The following CENPI variants were observed in gnomAD, a reference collection of about 807,000 sequenced individuals.
The protein encoded by CENPI is FSH primary response 1.
In CENPI, 4 loss-of-function variants were observed where a neutral mutation model predicts 60.4. The observed-to-expected ratio is 0.07, with a 90% CI of 0.03 to 0.15. The LOEUF (loss-of-function observed/expected upper bound fraction) is 0.15. Ranked by LOEUF, CENPI falls within the 10% of genes least tolerant of loss-of-function variation. CENPI has a pLI of 1.00. For missense variants in CENPI, 444 were observed against 534.5 expected (o/e 0.83, Z 1.67); for synonymous variants, 157 against 189.4 (o/e 0.83, Z 1.40).
intron 20 of CENPI, among the ~76,000 whole-genome samples, chrX:101,155,754 A>G (rs2148253259): frequency 8.9e-6 from 1 of 111,885 alleles, no homozygotes; most frequent in Admixed American, 9.6e-5. Flanking sequence ...AAAGGCAACC[A>G]AAAACTCTTT....
intron 20 of CENPI, among the ~76,000 whole-genome samples, chrX:101,151,058 G>T (rs1216285203): frequency 9.0e-6 from 1 of 111,477 alleles, no homozygotes; most frequent in East Asian, 2.8e-4. Context: ...ATATATTTCT[G>T]CACAGAGGAC....
chrX:101,158,493 G>T (rs1445608821), intron 20 of CENPI, among the ~76,000 whole-genome samples: 1 of 110,004 alleles, frequency 9.1e-6, no homozygotes, highest in Non-Finnish European at 1.9e-5. Flanking sequence ...GACCAGGCTG[G>T]TTTGAACTCC....
chrX:101,102,179 G>A (rs775803507), intron 3 of CENPI, 95 bp from the exon 4 acceptor site: 110 of 678,064 alleles, frequency 1.6e-4, no homozygotes, highest in Non-Finnish European at 2.2e-4. Context: ...TGGTTATTAA[G>A]CTATTCCTTT....
intron 15 of CENPI, among the ~76,000 whole-genome samples, chrX:101,138,719 G>C (rs2089877161): frequency 9.2e-6 from 1 of 108,131 alleles, no homozygotes; most frequent in Non-Finnish European, 1.9e-5. Context: ...TCTGCTTCCT[G>C]AGCTCAAGTG....
intron 4 of CENPI, 108 bp from the exon 5 acceptor site, chrX:101,109,365 G>C: frequency 1.6e-6 from 1 of 606,999 alleles, no homozygotes; most frequent in East Asian, 3.4e-5. Flanking sequence ...ACAGGCATGA[G>C]CTGCCGCGCC....
chrX:101,136,178 C>T (rs138394624), intron 15 of CENPI, among the ~76,000 whole-genome samples: 3,435 of 111,840 alleles, frequency 0.031, 57 homozygotes, highest in Non-Finnish European at 0.049. Flanking sequence ...GTTGTTAAGG[C>T]GGGATAGATA....
Position 101,148,133 on chromosome X carries a change from T to C in CENPI, c.2066T>C (p.Leu689Ser). 2 of 1,192,149 alleles carry C rather than the reference T, an allele frequency of 1.7e-6. No individual in the cohort carries two copies. Among genetic ancestry groups the C allele is most frequent in the Non-Finnish European group, 2.3e-6 (2 of 888,816 alleles). ...SLNVVHHPSF[L>S]SYAVSFLLQE... Reference sequence around the variant, plus strand: ...AATGTAGTCCATCATCCTTCTTTCTTGAGTTACGCTGTTTCCTTTTTGCTA... The same window carrying C: ...AATGTAGTCCATCATCCTTCTTTCTCGAGTTACGCTGTTTCCTTTTTGCTA... The change falls in exon 20 of 22, where the codon TTG becomes TCG. Residue 689 changes from leucine (L) to serine (S), a missense_variant. By Grantham distance (145) the Leu-to-Ser change is moderately radical (BLOSUM62 -2). Coordinates refer to ENST00000682095, the MANE Select transcript of CENPI (RefSeq NM_001386188.2).
chrX:101,140,841 T>A, intron 16 of CENPI, 81 bp downstream of exon 16: 1 of 668,282 alleles, frequency 1.5e-6, no homozygotes, highest in Non-Finnish European at 2.3e-6. Flanking sequence ...CGTGAAACAA[T>A]TTTTTTCATG....
chrX:101,138,430 C>T (rs1569502408), intron 15 of CENPI, among the ~76,000 whole-genome samples: 1 of 108,544 alleles, frequency 9.2e-6, no homozygotes, highest in Non-Finnish European at 1.9e-5. Flanking sequence ...CTGTGACTCC[C>T]TGGTTCAAGC....
At chrX:101,114,832 G>T (rs2089600263) in intron 6 of CENPI, among the ~76,000 whole-genome samples, 1 of 110,471 alleles carries the variant, frequency 9.1e-6, no homozygotes, top group South Asian at 3.8e-4. Context: ...GTAGAGACAG[G>T]GTTTCTCCAT....
At chrX:101,098,618 C>T (rs1252014784) in intron 2 of CENPI, 79 bp downstream of exon 2, 1 of 111,659 alleles carries the variant, frequency 9.0e-6, no homozygotes, top group Admixed American at 9.6e-5. Flanking sequence ...GTTCCTCTTC[C>T]CTTTTCCCTA....
chrX:101,168,983 G>A (rs1355610413), downstream of CENPI, among the ~76,000 whole-genome samples: 2 of 112,173 alleles, frequency 1.8e-5, no homozygotes, highest in Non-Finnish European at 3.8e-5. Context: ...AGTGAACAAT[G>A]ACTTCAAAGC....
At chrX:101,109,842 C>T (rs370536863) in intron 5 of CENPI, 49 bp from the exon 6 acceptor site, 58 of 932,169 alleles carry the variant, frequency 6.2e-5, no homozygotes, top group Non-Finnish European at 8.2e-5. Flanking sequence ...TTAAACTCTT[C>T]TGTACCAGTT....
intron 17 of CENPI, 55 bp downstream of exon 17, chrX:101,145,254 T>C (rs760659428): frequency 1.4e-4 from 140 of 994,597 alleles, no homozygotes; most frequent in Non-Finnish European, 1.9e-4. Flanking sequence ...ATCCACTTTA[T>C]TGGCTTATTA....
chrX:101,148,149 C>T lies in CENPI; in HGVS notation c.2082C>T (p.Ser694=), dbSNP rs1443378297. 1 of 1,193,190 alleles carries T rather than the reference C, an allele frequency of 8.4e-7. No homozygotes were observed. Among genetic ancestry groups the T allele is most frequent in the South Asian group, 1.8e-5 (1 of 54,262 alleles). The part of the protein sequence containing the change: ...HHPSFLSYAV[S]FLLQESPEER... ...CTTCTTTCTTGAGTTACGCTGTTTC[C>T]TTTTTGCTACAGGTAAGGGTATTTA... The change falls in exon 20 of 22, where the codon TCC becomes TCT. Residue 694 remains serine (S), a synonymous_variant. Coordinates refer to ENST00000682095, the MANE Select transcript of CENPI (RefSeq NM_001386188.2).
At chrX:101,112,828 ATT>A (rs113840710) in intron 6 of CENPI, among the ~76,000 whole-genome samples, 7 of 101,299 alleles carry the variant, frequency 6.9e-5, no homozygotes, top group South Asian at 4.5e-4. Context: ...GGGTCCTCTA[ATT>A]TTTTTTTTTT....
rs1477618850 is a variant in CENPI at position 101,163,649 on chromosome X, C to T, written c.*682C>T. On this transcript the variant is annotated 3_prime_UTR_variant, in exon 22 of 22. Coordinates refer to ENST00000682095, the MANE Select transcript of CENPI (RefSeq NM_001386188.2). Reference sequence around the variant, plus strand: ...TAGCTTCAGTTTTTAAGTGTAAGGACTAAATAAACTAACTGAAATTTTACT... The same window carrying T: ...TAGCTTCAGTTTTTAAGTGTAAGGATTAAATAAACTAACTGAAATTTTACT... The T allele has an allele frequency of 8.9e-6, 1 of 112,073 alleles. No individual in the cohort carries two copies. The allele number at this position is 112,073 out of a possible 1,213,427, so 9.2% of individuals were successfully genotyped here.
intron 4 of CENPI, among the ~76,000 whole-genome samples, chrX:101,104,543 C>G (rs1193305179): frequency 2.7e-5 from 3 of 111,434 alleles, no homozygotes; most frequent in Non-Finnish European, 5.6e-5. Flanking sequence ...TACTGTACCA[C>G]ATTGCTGCTT....
chrX:101,160,220 T>C (rs2090094671), intron 20 of CENPI, among the ~76,000 whole-genome samples: 1 of 110,522 alleles, frequency 9.0e-6, no homozygotes, highest in Admixed American at 9.8e-5. Flanking sequence ...CTGGAGACAA[T>C]ATTGGAGCAT....
Sources: allele counts gnomAD v4.1 joint callset (sites outside exome capture counted in the v4.1 genomes callset), GRCh38; gene constraint gnomAD v4.1.1; transcripts MANE v1.5; gene names NCBI Gene and HGNC (gene_info 2026-07-23, HGNC 2026-07-21).